SH3KBP1: variants seen among roughly 807,000 people sequenced by gnomAD.
The protein encoded by SH3KBP1 is SH3 domain containing kinase binding protein 1, also known as SH3 domain-containing kinase-binding protein 1.
A neutral mutation model predicts 50.1 loss-of-function variants in SH3KBP1; 8 were observed. The observed-to-expected ratio is 0.16, with a 90% CI of 0.09 to 0.29. SH3KBP1 has a LOEUF of 0.29. Ranked by LOEUF, SH3KBP1 falls within the 10% of genes least tolerant of loss-of-function variation. SH3KBP1 has a pLI of 1.00. For missense variants in SH3KBP1, 377 were observed against 535.2 expected, an observed-to-expected ratio of 0.70 and a Z score of 2.92; for synonymous variants, 227 against 218.6, an observed-to-expected ratio of 1.04 and a Z score of -0.34.
chrX:19,629,685 A>G (rs2061533527), intron 8 of SH3KBP1, among the ~76,000 whole-genome samples: 1 of 112,264 alleles, frequency 8.9e-6, no homozygotes, highest in Non-Finnish European at 1.9e-5. Flanking sequence ...CCAAGTGTCA[A>G]AATGGTGATA....
At chrX:19,783,188 T>G (rs2066237416) in intron 2 of SH3KBP1, among the ~76,000 whole-genome samples, 1 of 112,307 alleles carries the variant, frequency 8.9e-6, no homozygotes, top group Non-Finnish European at 1.9e-5. Flanking sequence ...TTTTTCTCGT[T>G]GCAAACCACA....
At chrX:19,745,453 A>G (rs893123935) in intron 3 of SH3KBP1, among the ~76,000 whole-genome samples, 1 of 112,178 alleles carries the variant, frequency 8.9e-6, no homozygotes, top group Non-Finnish European at 1.9e-5. Flanking sequence ...CTTCCTCCCC[A>G]TGGTTATATA....
chrX:19,571,170 C>T (rs756119608), intron 12 of SH3KBP1, among the ~76,000 whole-genome samples: 1 of 112,339 alleles, frequency 8.9e-6, no homozygotes, highest in African/African-American at 3.2e-5. Context: ...AGAGAAAATA[C>T]AGCTCCAAGA....
intron 1 of SH3KBP1, among the ~76,000 whole-genome samples, chrX:19,865,377 G>T (rs1247593719): frequency 8.9e-6 from 1 of 111,850 alleles, no homozygotes; most frequent in Non-Finnish European, 1.9e-5. Flanking sequence ...TTTTCTTGTG[G>T]TAAGTACCCT....
At chrX:19,616,187 C>T (rs745943051) in intron 8 of SH3KBP1, among the ~76,000 whole-genome samples, 36 of 110,699 alleles carry the variant, frequency 3.3e-4, no homozygotes, top group Admixed American at 7.7e-4. Flanking sequence ...GTCTCAAATT[C>T]CTAAACTCAA....
intron 12 of SH3KBP1, among the ~76,000 whole-genome samples, chrX:19,579,605 G>C (rs768712072): frequency 8.9e-6 from 1 of 112,374 alleles, no homozygotes; most frequent in East Asian, 2.8e-4. Context: ...GAAAATCCAT[G>C]TGACTCAGCC....
intron 2 of SH3KBP1, among the ~76,000 whole-genome samples, chrX:19,751,272 G>A (rs1011619941): frequency 8.9e-5 from 10 of 111,790 alleles, no homozygotes; most frequent in South Asian, 3.7e-4. Context: ...GGAGCTCTCC[G>A]AGGTTCTGAT....
chrX:19,709,138 G>C (rs969002282), intron 3 of SH3KBP1, among the ~76,000 whole-genome samples: 2 of 111,979 alleles, frequency 1.8e-5, no homozygotes, highest in African/African-American at 6.5e-5. Context: ...CTTCCATAAA[G>C]GCCTGCCTGG....
intron 6 of SH3KBP1, chrX:19,670,949 G>A (rs1484043951): frequency 6.2e-6 from 7 of 1,126,466 alleles, no homozygotes; most frequent in Non-Finnish European, 7.0e-6. Context: ...CCTTCCAACA[G>A]CACGGAGCCT....
At position 19,542,012 on chromosome X, in the gene SH3KBP1, G is replaced by A. The variant is rs369126109; in HGVS notation, c.1805C>T (p.Ala602Val). 2.3e-5 allele frequency: 28 copies of A among 1,210,079 alleles called. No homozygotes were observed. Among genetic ancestry groups the A allele is most frequent in the South Asian group, 5.3e-5 (3 of 56,796 alleles). Residue 602 changes from alanine to valine, a missense_variant, in exon 16 of 18, where the codon GCG becomes GTG. Transcript: ENST00000397821. ...CTCCACGGCCGCCTGGCTGCTGGCC[G>A]CAGGCTCCATCTTTGGTTTTCCTTC... ...GTEGKPKMEP[A>V]ASSQAAVEEL... is the part of the protein sequence containing the mutation.
At chrX:19,831,052 G>A (rs1251436866) in intron 2 of SH3KBP1, among the ~76,000 whole-genome samples, 1 of 111,791 alleles carries the variant, frequency 8.9e-6, no homozygotes, top group South Asian at 3.6e-4. Context: ...AGATGAAGGT[G>A]GATACGAATC....
chrX:19,770,900 T>C (rs752289878), intron 2 of SH3KBP1, among the ~76,000 whole-genome samples: 1 of 111,900 alleles, frequency 8.9e-6, no homozygotes, highest in East Asian at 2.8e-4. Context: ...GCTTTTCTTG[T>C]AAATTTAAGT....
At chrX:19,784,275 T>C (rs1250307750) in intron 2 of SH3KBP1, among the ~76,000 whole-genome samples, 5 of 112,127 alleles carry the variant, frequency 4.5e-5, no homozygotes, top group Non-Finnish European at 9.4e-5. Context: ...TGAGATTCAT[T>C]ATAAAGATGA....
At chrX:19,637,429 T>C (rs2061734250) in intron 7 of SH3KBP1, among the ~76,000 whole-genome samples, 1 of 112,135 alleles carries the variant, frequency 8.9e-6, no homozygotes, top group South Asian at 3.7e-4. Flanking sequence ...TTTGCAAACA[T>C]ACAGTGTTGA....
intron 2 of SH3KBP1, among the ~76,000 whole-genome samples, chrX:19,795,096 C>G (rs189838735): frequency 8.9e-6 from 1 of 111,973 alleles, no homozygotes. Flanking sequence ...AGGCATGTTA[C>G]GATATTCGCT....
At chrX:19,874,068 A>AAAAAAAAAAAAAAAAAAAAAAT in intron 1 of SH3KBP1, among the ~76,000 whole-genome samples, 1 of 57,045 alleles carries the variant, frequency 1.8e-5, no homozygotes, top group Non-Finnish European at 2.7e-5. Context: ...AAAAAAAAAA[A>AAAAAAAAAAAAAAAAAAAAAAT]ATATATATAT....
chrX:19,874,048 C>CAAA (rs55948760), intron 1 of SH3KBP1, among the ~76,000 whole-genome samples: 9 of 26,266 alleles, frequency 3.4e-4, no homozygotes, highest in Admixed American at 6.0e-4. Flanking sequence ...GAGTCCATCT[C>CAAA]AAAAAAAAAA....
At chrX:19,769,068 C>T (rs1207226133) in intron 2 of SH3KBP1, among the ~76,000 whole-genome samples, 1 of 100,369 alleles carries the variant, frequency 1.0e-5, no homozygotes, top group Admixed American at 1.1e-4. Context: ...TATACAGCTG[C>T]GTTATAATTT....
At chrX:19,591,569 T>A (rs192226996) in intron 11 of SH3KBP1, among the ~76,000 whole-genome samples, 1 of 111,911 alleles carries the variant, frequency 8.9e-6, no homozygotes, top group East Asian at 2.8e-4. Context: ...ACCAAGGACT[T>A]CTGTCTGTAA....
Sources: allele counts gnomAD v4.1 joint callset (sites outside exome capture counted in the v4.1 genomes callset), GRCh38; gene constraint gnomAD v4.1.1; transcripts MANE v1.5; gene names NCBI Gene and HGNC (gene_info 2026-07-23, HGNC 2026-07-21).